Variants in CDYL2 observed in about 807,000 individuals in gnomAD.
CDYL2 encodes the protein chromodomain Y-like protein 2.
A neutral mutation model predicts 49.4 loss-of-function variants in CDYL2; 23 were observed. The ratio of observed to expected loss-of-function variants is 0.47; its 90% CI spans 0.34 to 0.66. CDYL2 has a LOEUF of 0.66. Ranked by LOEUF, CDYL2 falls within the 30% of genes least tolerant of loss-of-function variation. The probability of loss-of-function intolerance (pLI) is 0.01; values close to 1 mark genes in which losing one functional copy is unlikely to be tolerated. For synonymous variants in CDYL2, 360 were observed against 268.8 expected, an observed-to-expected ratio of 1.34 and a Z score of -3.32; for missense variants, 678 against 656.4, an observed-to-expected ratio of 1.03 and a Z score of -0.36.
chr16:80,725,374 G>A (rs1597100900), intron 1 of CDYL2, among the ~76,000 whole-genome samples: 1 of 152,250 alleles, frequency 6.6e-6, no homozygotes, highest in Middle Eastern at 3.4e-3. Flanking sequence ...TATTGCAACA[G>A]TAATTAGCGA....
rs566073611 is a variant in CDYL2, at chr16:80,794,902, C to T, written c.24+9248G>A. On this transcript the variant is annotated intron_variant, in intron 1 of 6. Transcript: ENST00000570137. The stretch of plus-strand genomic sequence containing the variant: ...TGCTGGGAGTATAGGCATGAGCCAC[C>T]GCATCCAGCCTCAGTGATAGTTTTA... 3.9e-5 allele frequency among the ~76,000 whole-genome samples: 6 copies of T among 152,188 alleles called. No individual in the cohort carries two copies. In the South Asian group the frequency reaches 8.3e-4, roughly 21 times the overall value.
intron 1 of CDYL2, among the ~76,000 whole-genome samples, chr16:80,756,692 A>G (rs1389847089): frequency 1.3e-5 from 2 of 152,154 alleles, no homozygotes; most frequent in Non-Finnish European, 2.9e-5. Flanking sequence ...CTAATAATGC[A>G]CAGTACACAC....
chr16:80,769,811 A>G (rs994723108), intron 1 of CDYL2, among the ~76,000 whole-genome samples: 3 of 152,222 alleles, frequency 2.0e-5, no homozygotes, highest in African/African-American at 7.2e-5. Context: ...CTGAAAAAGA[A>G]TCAGATTATT....
intron 2 of CDYL2, among the ~76,000 whole-genome samples, chr16:80,642,307 G>A (rs1908132166): frequency 6.6e-6 from 1 of 152,132 alleles, no homozygotes; most frequent in Admixed American, 6.5e-5. Context: ...GCTGGGCATG[G>A]TGGCATGCCC....
chr16:80,624,575 A>C (rs974769431), intron 3 of CDYL2, among the ~76,000 whole-genome samples: 1 of 152,222 alleles, frequency 6.6e-6, no homozygotes, highest in Non-Finnish European at 1.5e-5. Flanking sequence ...ATGAGCTCAC[A>C]ATCAAAAATC....
intron 1 of CDYL2, among the ~76,000 whole-genome samples, chr16:80,776,699 G>A (rs1185562336): frequency 6.6e-6 from 1 of 151,504 alleles, no homozygotes; most frequent in Non-Finnish European, 1.5e-5. Flanking sequence ...AAAGCATAAT[G>A]TAGAGTAAAA....
rs1406733020 is a variant in CDYL2 at position 80,740,574 on chromosome 16, T to A, written c.25-55445A>T. 2.6e-5 allele frequency among the ~76,000 whole-genome samples: 4 copies of A among 152,302 alleles called. No individual in the cohort carries two copies. In the East Asian group the frequency reaches 7.7e-4, roughly 29 times the overall value. On this transcript the variant is annotated intron_variant, in intron 1 of 6. Coordinates refer to ENST00000570137, the MANE Select transcript of CDYL2 (RefSeq NM_152342.4). The stretch of plus-strand genomic sequence containing the variant: ...ATGAGAAGTGATCTATACAAAAGAA[T>A]CTCTAAAATATTATTTGCATACACA...
intron 2 of CDYL2, among the ~76,000 whole-genome samples, chr16:80,648,404 CACAG>C (rs1231455597): frequency 2.0e-5 from 3 of 151,962 alleles, no homozygotes; most frequent in African/African-American, 7.2e-5. Flanking sequence ...AGCTAGAGGA[CACAG>C]ACAAATTCCT....
intron 1 of CDYL2, among the ~76,000 whole-genome samples, chr16:80,738,008 T>C (rs763365036): frequency 6.6e-6 from 1 of 152,028 alleles, no homozygotes. Flanking sequence ...CCTAAAGCTA[T>C]CCCTCCCCTA....
intron 1 of CDYL2, among the ~76,000 whole-genome samples, chr16:80,695,144 A>G (rs1910569736): frequency 1.3e-5 from 2 of 152,346 alleles, no homozygotes; most frequent in African/African-American, 2.4e-5. Flanking sequence ...TTGGAAGTAA[A>G]GTTTTATTGG....
Position 80,778,017 on chromosome 16 carries a change from A to T in CDYL2, c.24+26133T>A, listed in dbSNP as rs944044852. On this transcript the variant is annotated intron_variant, in intron 1 of 6. Coordinates refer to ENST00000570137, the MANE Select transcript of CDYL2 (RefSeq NM_152342.4). ...GTGCTATTAAATATGGAAATTTTTAAAAAAATCTGTTACTAAATTATATCT... is the reference window on the plus strand; with the variant it reads ...GTGCTATTAAATATGGAAATTTTTATAAAAATCTGTTACTAAATTATATCT... Among the ~76,000 whole-genome samples, 7 of 152,186 alleles carry T rather than the reference A, an allele frequency of 4.6e-5. 1 individual carries two copies. Among genetic ancestry groups the T allele is most frequent in the African/African-American group, 1.7e-4 (7 of 41,572 alleles).
In CDYL2 at chr16:80,684,474, T is replaced by G. The variant is rs550467700; in HGVS notation, c.616+64A>C. 2.0e-6 allele frequency: 3 copies of G among 1,488,488 alleles called. No individual in the cohort carries two copies. In the South Asian group the frequency reaches 3.8e-5, roughly 19 times the overall value. 92.2% of individuals were successfully genotyped at this position (1,488,488 alleles called of 1,614,324 possible). A position where few individuals can be genotyped will look rare whatever the true frequency, so the allele number is the denominator to read the frequency against. The stretch of plus-strand genomic sequence containing the variant: ...GGGGGTCTTATGTATGTCCCTAGGC[T>G]ACAGGCAGAGCTCCCCTTTCGCCAT... On this transcript the variant is annotated intron_variant, in intron 2 of 6. Coordinates refer to ENST00000570137, the MANE Select transcript of CDYL2 (RefSeq NM_152342.4).
intron 2 of CDYL2, among the ~76,000 whole-genome samples, chr16:80,636,425 A>T (rs28847920): frequency 0.059 from 9,002 of 152,262 alleles, 815 homozygotes; most frequent in African/African-American, 0.2. Context: ...TTCTCAAGAA[A>T]TGTATGCAGC....
chr16:80,611,702 AG>A (rs1906604940), intron 5 of CDYL2, among the ~76,000 whole-genome samples: 1 of 152,176 alleles, frequency 6.6e-6, no homozygotes, highest in South Asian at 2.1e-4. Context: ...AAACCTCTCT[AG>A]CCTCAGTCTC....
chr16:80,609,914 G>T (rs778728043), intron 5 of CDYL2, among the ~76,000 whole-genome samples: 3 of 152,126 alleles, frequency 2.0e-5, no homozygotes, highest in Non-Finnish European at 4.4e-5. Flanking sequence ...TTTAGTCACT[G>T]ACGTGTGACT....
intron 1 of CDYL2, among the ~76,000 whole-genome samples, chr16:80,783,044 T>G (rs977872106): frequency 1.3e-5 from 2 of 151,798 alleles, no homozygotes; most frequent in Non-Finnish European, 2.9e-5. Flanking sequence ...ACAGATACAG[T>G]AGAATTCTTT....
At chr16:80,658,702 G>A (rs1348053539) in intron 2 of CDYL2, among the ~76,000 whole-genome samples, 1 of 152,142 alleles carries the variant, frequency 6.6e-6, no homozygotes, top group Non-Finnish European at 1.5e-5. Context: ...TCTGTCAGCT[G>A]AAAAGGCTTA....
intron 1 of CDYL2, among the ~76,000 whole-genome samples, chr16:80,711,426 C>T (rs1904592338): frequency 6.6e-6 from 1 of 152,196 alleles, no homozygotes; most frequent in East Asian, 1.9e-4. Context: ...AAGGTGGGGA[C>T]TGCTTTGAGT....
rs188778991 is a variant in CDYL2 at position 80,725,391 on chromosome 16, G to T, written c.25-40262C>A. On this transcript the variant is annotated intron_variant, in intron 1 of 6. Transcript: ENST00000570137. The stretch of plus-strand genomic sequence containing the variant: ...TTGCAACAGTAATTAGCGATTTGTG[G>T]GATTCATGGTGACGATCCACTTCTA... 1.2e-3 allele frequency among the ~76,000 whole-genome samples: 187 copies of T among 152,198 alleles called. 1 individual carries two copies. The highest frequency in any genetic ancestry group is 4.3e-3 in the African/African-American group (179 of 41,530).
Sources: allele counts gnomAD v4.1 joint callset (sites outside exome capture counted in the v4.1 genomes callset), GRCh38; gene constraint gnomAD v4.1.1; transcripts MANE v1.5; gene names NCBI Gene and HGNC (gene_info 2026-07-23, HGNC 2026-07-21).